PPFIA2: variants seen among roughly 807,000 people sequenced by gnomAD.
PPFIA2 encodes the protein PPFI scaffold protein A2.
PPFIA2 carries 46 observed loss-of-function variants against 175.5 expected under a neutral mutation model. The ratio of observed to expected loss-of-function variants is 0.26; its 90% CI spans 0.21 to 0.34. PPFIA2 has a LOEUF of 0.34. PPFIA2 is among the 10% of genes least tolerant of loss of function. PPFIA2 has a pLI of 1.00. For missense variants in PPFIA2, 1,179 were observed against 1,506.1 expected, an observed-to-expected ratio of 0.78 and a Z score of 3.60; for synonymous variants, 568 against 511.4, an observed-to-expected ratio of 1.11 and a Z score of -1.49.
intron 4 of PPFIA2, among the ~76,000 whole-genome samples, chr12:81,498,306 T>C (rs563985543): frequency 6.6e-6 from 1 of 152,322 alleles, no homozygotes; most frequent in East Asian, 1.9e-4. Flanking sequence ...TCTACTAATA[T>C]TACTCTGTTC....
intron 22 of PPFIA2, among the ~76,000 whole-genome samples, chr12:81,317,127 G>A (rs2052555364): frequency 6.6e-6 from 1 of 151,558 alleles, no homozygotes; most frequent in Non-Finnish European, 1.5e-5. Flanking sequence ...AATAGATAAT[G>A]TCATTAGCAT....
chr12:81,294,328 T>G (rs1158293485), intron 24 of PPFIA2, among the ~76,000 whole-genome samples: 5 of 152,148 alleles, frequency 3.3e-5, no homozygotes, highest in African/African-American at 1.2e-4. Context: ...TGTAGTCACT[T>G]AAGCCTTGCA....
rs186951202 is a variant in PPFIA2 at position 81,387,168 on chromosome 12, A to G, written c.763-2924T>C. ...AGCAAACTTCAGCTCTTTCTCGGGGAAAAAAAAATACTTATCACTGTATTT... is the reference window on the plus strand; with the variant it reads ...AGCAAACTTCAGCTCTTTCTCGGGGGAAAAAAAATACTTATCACTGTATTT... On this transcript the variant is annotated intron_variant, in intron 8 of 32. Transcript: ENST00000549396. Among the ~76,000 whole-genome samples the G allele has an allele frequency of 3.9e-3, 584 of 151,682 alleles. 1 individual carries two copies. The highest frequency in any genetic ancestry group is 6.8e-3 in the Middle Eastern group (2 of 294).
At chr12:81,542,027 CAA>C (rs56288022) in intron 4 of PPFIA2, among the ~76,000 whole-genome samples, 32 of 138,396 alleles carry the variant, frequency 2.3e-4, no homozygotes, top group East Asian at 1.3e-3. Context: ...TGGTGACTTC[CAA>C]AAAAAAAAAA....
At position 81,535,194 on chromosome 12, in the gene PPFIA2, T is replaced by C. The variant is rs185450807; in HGVS notation, c.304-77328A>G. 5.3e-4 allele frequency among the ~76,000 whole-genome samples: 81 copies of C among 151,762 alleles called. 2 individuals carry two copies. The East Asian group carries it at 0.014, about 27-fold the overall frequency. On this transcript the variant is annotated intron_variant, in intron 4 of 32. Transcript: ENST00000549396. ...TAGACATGAGAGCAGCCTCAGATGG[T>C]CTGGTACACTACAGCTTGGAGTATG...
At chr12:81,647,515 A>C (rs1006379360) in intron 4 of PPFIA2, among the ~76,000 whole-genome samples, 18 of 151,996 alleles carry the variant, frequency 1.2e-4, no homozygotes, top group African/African-American at 4.4e-4. Context: ...TAATCCCAGC[A>C]CTTTGGGAGG....
At chr12:81,524,803 A>G (rs1171441717) in intron 4 of PPFIA2, among the ~76,000 whole-genome samples, 3 of 152,208 alleles carry the variant, frequency 2.0e-5, no homozygotes, top group African/African-American at 4.8e-5. Flanking sequence ...CTTAAAATTC[A>G]TATGTTCAAA....
intron 3 of PPFIA2, among the ~76,000 whole-genome samples, chr12:81,718,516 C>T (rs956470586): frequency 6.6e-6 from 1 of 151,548 alleles, no homozygotes; most frequent in Non-Finnish European, 1.5e-5. Context: ...CCCTAAGAAA[C>T]AAAAGCACCA....
intron 4 of PPFIA2, among the ~76,000 whole-genome samples, chr12:81,627,573 T>C (rs577002053): frequency 1.3e-5 from 2 of 152,264 alleles, no homozygotes; most frequent in Non-Finnish European, 2.9e-5. Context: ...ATCTATTACA[T>C]AACTCTCAAT....
At chr12:81,480,049 A>G (rs965541559) in intron 4 of PPFIA2, among the ~76,000 whole-genome samples, 9 of 152,110 alleles carry the variant, frequency 5.9e-5, no homozygotes, top group African/African-American at 1.4e-4. Flanking sequence ...TACACCAATC[A>G]AACGTAGGTT....
chr12:81,627,503 T>A (rs2062853840), intron 4 of PPFIA2, among the ~76,000 whole-genome samples: 1 of 152,134 alleles, frequency 6.6e-6, no homozygotes, highest in Non-Finnish European at 1.5e-5. Flanking sequence ...TTGCAACTGT[T>A]TTTCCAAGAC....
chr12:81,709,643 C>T (rs889822819), intron 3 of PPFIA2, among the ~76,000 whole-genome samples: 1 of 151,902 alleles, frequency 6.6e-6, no homozygotes, highest in Non-Finnish European at 1.5e-5. Context: ...ATTATGAGAG[C>T]TTTCAAAGTC....
intron 3 of PPFIA2, among the ~76,000 whole-genome samples, chr12:81,682,938 A>G (rs2073892324): frequency 6.6e-6 from 1 of 151,976 alleles, no homozygotes; most frequent in South Asian, 2.1e-4. Context: ...TTTGGCTTTC[A>G]TTTATTTTCA....
chr12:81,596,177 T>C (rs1022138975), intron 4 of PPFIA2, among the ~76,000 whole-genome samples: 2 of 151,980 alleles, frequency 1.3e-5, no homozygotes, highest in Non-Finnish European at 2.9e-5. Flanking sequence ...ATAATTCTAA[T>C]AATCATTCAG....
At chr12:81,579,345 A>G (rs2074065223) in intron 4 of PPFIA2, among the ~76,000 whole-genome samples, 1 of 151,848 alleles carries the variant, frequency 6.6e-6, no homozygotes, top group Non-Finnish European at 1.5e-5. Flanking sequence ...AGAATTTTAA[A>G]AAACTAATCA....
At chr12:81,282,916 G>T in intron 26 of PPFIA2, 94 bp downstream of exon 26, 1 of 1,114,972 alleles carries the variant, frequency 9.0e-7, no homozygotes, top group Non-Finnish European at 1.3e-6. Context: ...CTAAGTGAAG[G>T]TTTACAATAT....
At chr12:81,530,149 C>T (rs948267029) in intron 4 of PPFIA2, among the ~76,000 whole-genome samples, 7 of 151,928 alleles carry the variant, frequency 4.6e-5, no homozygotes, top group African/African-American at 7.2e-5. Flanking sequence ...CATGCATTGT[C>T]TGTCACTGCC....
At chr12:81,424,042 T>G (rs2046746027) in intron 7 of PPFIA2, among the ~76,000 whole-genome samples, 1 of 152,078 alleles carries the variant, frequency 6.6e-6, no homozygotes, top group Admixed American at 6.6e-5. Flanking sequence ...ATCAAAGTGG[T>G]AAAAAACTTT....
chr12:81,640,329 GT>G (rs1353862291), intron 4 of PPFIA2, among the ~76,000 whole-genome samples: 4 of 152,244 alleles, frequency 2.6e-5, no homozygotes, highest in Non-Finnish European at 5.9e-5. Context: ...GATTCTAACA[GT>G]TGGTGATGAT....
Sources: gnomAD v4.1 joint callset for allele counts (sites outside exome capture counted in the v4.1 genomes callset) on GRCh38, gnomAD v4.1.1 for gene constraint, MANE v1.5 for transcripts, NCBI Gene and HGNC (gene_info 2026-07-23, HGNC 2026-07-21) for gene names.